ABCG1: variants seen among roughly 807,000 people sequenced by gnomAD.
ABCG1 encodes ATP-binding cassette sub-family G member 1.
A neutral mutation model predicts 69.2 loss-of-function variants in ABCG1; 29 were observed. That is an observed-to-expected ratio of 0.42 (90% CI 0.31 to 0.57). ABCG1 has a LOEUF of 0.57. Among genes scored for constraint, ABCG1 ranks in the 20% least tolerant of loss-of-function variants. ABCG1 has a pLI of 0.15. For missense variants in ABCG1, 718 were observed against 898.1 expected (o/e 0.80, Z 2.56); for synonymous variants, 370 against 374.8 (o/e 0.99, Z 0.15).
chr21:42,241,251 C>G (rs1267936452), intron 2 of ABCG1, among the ~76,000 whole-genome samples: 3 of 152,226 alleles, frequency 2.0e-5, no homozygotes, highest in Non-Finnish European at 4.4e-5. Flanking sequence ...AGTGGAGATG[C>G]TTTTCTCCCC....
At chr21:42,274,619 C>T (rs564299795) in intron 4 of ABCG1, among the ~76,000 whole-genome samples, 33 of 152,132 alleles carry the variant, frequency 2.2e-4, no homozygotes, top group Middle Eastern at 3.4e-3. Context: ...GGACTACAGG[C>T]GCCCACCACC....
rs1315774742 is a variant in ABCG1, at chr21:42,291,237, T to C, written c.1494+45T>C. ...GAATTTGAAACGGGGGCAAGAGTTC[T>C]CCTGTACACCCTTTATATCGAGTAA... On this transcript the variant is annotated intron_variant, in intron 12 of 14. Coordinates refer to ENST00000398449, the MANE Select transcript of ABCG1 (RefSeq NM_016818.3). This position sits in a 1 kb window ranked among gnomAD's most constrained non-coding sequence, Gnocchi z 6.4. 1 of 1,469,434 alleles carries C rather than the reference T, an allele frequency of 6.8e-7. No individual in the cohort carries two copies. The highest frequency in any genetic ancestry group is 1.4e-5 in the African/African-American group (1 of 72,260). 91.0% of individuals were successfully genotyped at this position (1,469,434 alleles called of 1,614,324 possible).
At position 42,291,270 on chromosome 21, in the gene ABCG1, T is replaced by A. The variant is rs1601457243; in HGVS notation, c.1494+78T>A. On this transcript the variant is annotated intron_variant, in intron 12 of 14. Transcript: ENST00000398449. The surrounding 1 kb of genome is among the most constrained non-coding windows in gnomAD (Gnocchi z 6.4). ...ACCCTTTATATCGAGTAAGAGGACC[T>A]GCCAGGGATGCAGGGTGACATGGCC... The A allele has an allele frequency of 1.0e-5, 13 of 1,288,790 alleles. No homozygotes were observed. The East Asian group carries it at 3.1e-4, about 31-fold the overall frequency. 79.8% of individuals were successfully genotyped at this position (1,288,790 alleles called of 1,614,324 possible).
intron 2 of ABCG1, among the ~76,000 whole-genome samples, chr21:42,232,584 T>C (rs1049159393): frequency 9.2e-5 from 14 of 152,228 alleles, no homozygotes; most frequent in African/African-American, 3.4e-4. Flanking sequence ...TGTAGGACTG[T>C]GCTCTGCTCC....
intron 2 of ABCG1, among the ~76,000 whole-genome samples, chr21:42,205,530 G>A (rs141210811): frequency 0.081 from 12,259 of 151,674 alleles, 618 homozygotes; most frequent in East Asian, 0.22. Flanking sequence ...CCTGGGAGGC[G>A]GAGGTTATGG....
At position 42,236,164 on chromosome 21, in the gene ABCG1, A is replaced by G. The variant is rs75159112; in HGVS notation, c.286+10250A>G. 1.4e-4 allele frequency among the ~76,000 whole-genome samples: 21 copies of G among 152,302 alleles called. No homozygotes were observed. The East Asian group carries it at 4.0e-3, about 29-fold the overall frequency. The stretch of plus-strand genomic sequence containing the variant: ...TGGAACCTTGGAATTGCCCTTGGGA[A>G]TCTGCAGCGTTGGCTCCGCTAAGCC... On this transcript the variant is annotated intron_variant, in intron 2 of 14. Transcript: ENST00000398449.
chr21:42,291,439 T>G lies in ABCG1; in HGVS notation c.1495-59T>G. The stretch of plus-strand genomic sequence containing the variant: ...AGGGCTGGCTGCCCAGGAGCTTTGC[T>G]GTTGGCCTGCTGTGGTGGGAAGCGG... On this transcript the variant is annotated intron_variant, in intron 12 of 14. Coordinates refer to ENST00000398449, the MANE Select transcript of ABCG1 (RefSeq NM_016818.3). This position sits in a 1 kb window ranked among gnomAD's most constrained non-coding sequence, Gnocchi z 6.4. 1 of 1,570,146 alleles carries G rather than the reference T, an allele frequency of 6.4e-7. No individual in the cohort carries two copies. Among genetic ancestry groups the G allele is most frequent in the South Asian group, 1.2e-5 (1 of 84,818 alleles).
rs148288266 is a variant in ABCG1 at position 42,257,257 on chromosome 21, G to A, written c.287-13813G>A. The stretch of plus-strand genomic sequence containing the variant: ...GCCCCAGGCCAATTCCTTCAGAAGC[G>A]TTTCTCAAACTCCCCAGGAGATTCC... On this transcript the variant is annotated intron_variant, in intron 2 of 14. Coordinates refer to ENST00000398449, the MANE Select transcript of ABCG1 (RefSeq NM_016818.3). Among the ~76,000 whole-genome samples the A allele has an allele frequency of 6.5e-3, 992 of 152,252 alleles. 14 individuals are homozygous for A. Among genetic ancestry groups the A allele is most frequent in the African/African-American group, 0.023 (962 of 41,526 alleles).
intron 2 of ABCG1, among the ~76,000 whole-genome samples, chr21:42,262,070 C>G (rs2068423669): frequency 6.6e-6 from 1 of 152,162 alleles, no homozygotes. Flanking sequence ...TTATTATGTT[C>G]TGCAGGTAAC....
intron 5 of ABCG1, 83 bp downstream of exon 5, chr21:42,277,028 G>A (rs998771541): frequency 8.2e-6 from 12 of 1,471,422 alleles, no homozygotes; most frequent in South Asian, 5.7e-5. Context: ...GGGCATTTTG[G>A]CATTGGCTTT....
At position 42,291,939 on chromosome 21, in the gene ABCG1, G is replaced by A. The variant is rs13050646; in HGVS notation, c.1653+283G>A. Reference sequence around the variant, plus strand: ...TAGCCCCAAGCACAGCCACGCTTAGGTGCTGTGCTGGCCCCATTTTACATA... The same window carrying A: ...TAGCCCCAAGCACAGCCACGCTTAGATGCTGTGCTGGCCCCATTTTACATA... On this transcript the variant is annotated intron_variant, in intron 13 of 14. Coordinates refer to ENST00000398449, the MANE Select transcript of ABCG1 (RefSeq NM_016818.3). This position sits in a 1 kb window ranked among gnomAD's most constrained non-coding sequence, Gnocchi z 6.4. 5.7e-3 allele frequency among the ~76,000 whole-genome samples: 869 copies of A among 152,262 alleles called. 6 individuals are homozygous for A. Among genetic ancestry groups the A allele is most frequent in the African/African-American group, 0.02 (832 of 41,542 alleles).
At chr21:42,222,305 T>A (rs925127976) in intron 1 of ABCG1, among the ~76,000 whole-genome samples, 2 of 152,248 alleles carry the variant, frequency 1.3e-5, no homozygotes, top group Non-Finnish European at 2.9e-5. Flanking sequence ...GACAGGCCAC[T>A]GCCTCGCATC....
At chr21:42,205,812 A>T (rs1334962614) in intron 2 of ABCG1, among the ~76,000 whole-genome samples, 1 of 152,184 alleles carries the variant, frequency 6.6e-6, no homozygotes, top group African/African-American at 2.4e-5. Context: ...TCCAATGTAT[A>T]TGAATTCAGT....
chr21:42,215,251 C>G (rs1457686433), upstream of ABCG1, among the ~76,000 whole-genome samples: 1 of 152,212 alleles, frequency 6.6e-6, no homozygotes, highest in Non-Finnish European at 1.5e-5. Context: ...ACAGGCCCAC[C>G]TGGACATGTG....
chr21:42,237,026 C>G (rs1323115945), intron 2 of ABCG1, among the ~76,000 whole-genome samples: 1 of 152,194 alleles, frequency 6.6e-6, no homozygotes, highest in East Asian at 1.9e-4. Flanking sequence ...AGGAGGCCAT[C>G]CAGCCTTGTG....
intron 13 of ABCG1, 115 bp from the exon 14 acceptor site, chr21:42,294,427 C>G (rs982002925): frequency 2.4e-5 from 19 of 793,056 alleles, no homozygotes; most frequent in Admixed American, 1.4e-4. Context: ...TCATCATTAC[C>G]CTGCCCAGAA....
At chr21:42,261,137 T>C (rs2068403862) in intron 2 of ABCG1, among the ~76,000 whole-genome samples, 1 of 152,048 alleles carries the variant, frequency 6.6e-6, no homozygotes, top group Non-Finnish European at 1.5e-5. Context: ...TCCCGTTTTC[T>C]ACCCTCTTTC....
chr21:42,214,931 CTTTG>C (rs1263736246), upstream of ABCG1, among the ~76,000 whole-genome samples: 2 of 152,178 alleles, frequency 1.3e-5, no homozygotes, highest in Non-Finnish European at 2.9e-5. Flanking sequence ...GGACAGCTTT[CTTTG>C]TTTTTTTGTT....
intron 6 of ABCG1, 110 bp from the exon 7 acceptor site, chr21:42,284,450 G>A (rs1601444970): frequency 2.9e-6 from 4 of 1,359,654 alleles, no homozygotes; most frequent in Non-Finnish European, 4.0e-6. Context: ...TGCAGCTGCA[G>A]CCCCTGATGC....
Sources: gnomAD v4.1 joint callset for allele counts (sites outside exome capture counted in the v4.1 genomes callset) on GRCh38, gnomAD v4.1.1 for gene constraint, Gnocchi (gnomAD v3.1) non-coding constraint, MANE v1.5 for transcripts, NCBI Gene and HGNC (gene_info 2026-07-23, HGNC 2026-07-21) for gene names.